The following FUBP1 variants were observed in gnomAD, a reference collection of about 807,000 sequenced individuals.
FUBP1 encodes far upstream element-binding protein 1.
Under a neutral mutation model 94.9 loss-of-function variants are expected in FUBP1, and 16 were observed. The ratio of observed to expected loss-of-function variants is 0.17; its 90% CI spans 0.11 to 0.26. The LOEUF (loss-of-function observed/expected upper bound fraction) is 0.26, where lower values mean the gene tolerates loss of function less well. FUBP1 is among the 10% of genes least tolerant of loss of function. FUBP1 has a pLI of 1.00. For missense variants in FUBP1, 583 were observed against 808.6 expected (o/e 0.72, Z 3.38); for synonymous variants, 279 against 254.9 (o/e 1.09, Z -0.90).
intron 14 of FUBP1, among the ~76,000 whole-genome samples, chr1:77,960,964 C>T (rs1274831273): frequency 6.6e-6 from 1 of 152,132 alleles, no homozygotes; most frequent in Non-Finnish European, 1.5e-5. Context: ...TCACTGATAA[C>T]GTTAATAGCT....
intron 1 of FUBP1, among the ~76,000 whole-genome samples, chr1:77,977,332 T>G (rs1658823289): frequency 6.6e-6 from 1 of 152,046 alleles, no homozygotes; most frequent in Non-Finnish European, 1.5e-5. Context: ...GGTGAAACCC[T>G]GTCTCTACTG....
At chr1:77,952,729 G>A (rs902140445) in intron 18 of FUBP1, among the ~76,000 whole-genome samples, 3 of 152,208 alleles carry the variant, frequency 2.0e-5, no homozygotes, top group African/African-American at 7.2e-5. Flanking sequence ...AAGCAGTTAA[G>A]CAACTAATCA....
intron 18 of FUBP1, among the ~76,000 whole-genome samples, chr1:77,954,164 A>G (rs1193710326): frequency 6.6e-6 from 1 of 152,200 alleles, no homozygotes; most frequent in East Asian, 1.9e-4. Context: ...CTATTTAATT[A>G]AAGTTAAGTT....
intron 16 of FUBP1, 75 bp from the exon 17 acceptor site, chr1:77,956,775 C>G (rs1482975697): frequency 6.6e-6 from 7 of 1,059,894 alleles, no homozygotes; most frequent in Admixed American, 2.3e-5. Flanking sequence ...ACCACCCCCC[C>G]GCCCAGCTCT....
chr1:77,965,805 T>C (rs1441427179), intron 7 of FUBP1, among the ~76,000 whole-genome samples: 2 of 152,182 alleles, frequency 1.3e-5, no homozygotes, highest in African/African-American at 4.8e-5. Context: ...TCCCAGGACT[T>C]TGGGAGGCCG....
chr1:77,954,076 T>G (rs1235082049), intron 18 of FUBP1, among the ~76,000 whole-genome samples: 1 of 152,166 alleles, frequency 6.6e-6, no homozygotes, highest in East Asian at 1.9e-4. Flanking sequence ...TCCTTCCACC[T>G]TAGCCTCCCA....
At chr1:77,972,004 CAAA>C (rs60606700) in intron 1 of FUBP1, among the ~76,000 whole-genome samples, 9 of 84,134 alleles carry the variant, frequency 1.1e-4, no homozygotes, top group Non-Finnish European at 8.1e-5. Context: ...GACTCTGTCT[CAAA>C]AAAAAAAAAA....
At chr1:77,978,785 A>C in intron 1 of FUBP1, 100 bp downstream of exon 1, 2 of 1,372,630 alleles carry the variant, frequency 1.5e-6, no homozygotes, top group Non-Finnish European at 2.1e-6. Context: ...CCGGAAGAAC[A>C]CCTCTTTCCT....
upstream of FUBP1, chr1:77,979,314 C>T (rs1659386931): frequency 5.7e-6 from 2 of 349,712 alleles, no homozygotes; most frequent in South Asian, 5.1e-5. Context: ...GTAATTGTTC[C>T]TGCAGGGTGG....
In FUBP1 at chr1:77,967,638, A is replaced by C; in HGVS notation, c.279T>G (p.His93Gln). The change falls in exon 4 of 20, where the codon CAT becomes CAG. Residue 93 changes from histidine (H) to glutamine (Q), a missense_variant. Coordinates refer to ENST00000370768, the MANE Select transcript of FUBP1 (RefSeq NM_003902.5). ...TCTTGTGACTATACCTTTGCTGCTG[A>C]TGCATCGGTGGTAACTGTGTTCCAA... ...DSFGTQLPPMHQQQSRSVMTE... is the reference protein window; with the variant it reads ...DSFGTQLPPMQQQQSRSVMTE... 6.3e-7 allele frequency: 1 copy of C among 1,594,418 alleles called. No homozygotes were observed. The highest frequency in any genetic ancestry group is 1.3e-5 in the African/African-American group (1 of 74,762).
intron 7 of FUBP1, among the ~76,000 whole-genome samples, chr1:77,966,265 C>T (rs76557832): frequency 0.012 from 1,797 of 152,072 alleles, 33 homozygotes; most frequent in African/African-American, 0.042. Flanking sequence ...AGTGGGAGAG[C>T]GTGGGGTTAG....
chr1:77,955,717 T>C (rs955526476), intron 17 of FUBP1, among the ~76,000 whole-genome samples: 2 of 152,170 alleles, frequency 1.3e-5, no homozygotes, highest in African/African-American at 4.8e-5. Flanking sequence ...TATACATATA[T>C]CGATGTTTAT....
At chr1:77,966,395 G>A (rs897303438) in intron 7 of FUBP1, among the ~76,000 whole-genome samples, 2 of 152,200 alleles carry the variant, frequency 1.3e-5, no homozygotes, top group African/African-American at 4.8e-5. Context: ...TAATGTCTGA[G>A]TTTTAAGTGT....
chr1:77,969,386 AAATCCACTGTTTT>A (rs1408511298), intron 2 of FUBP1, among the ~76,000 whole-genome samples: 1 of 152,152 alleles, frequency 6.6e-6, no homozygotes, highest in African/African-American at 2.4e-5. Flanking sequence ...ATAGCACTGT[AAATCCACTGTTTT>A]AATCCACAGG....
chr1:77,944,318 GAA>G lies in FUBP1; in HGVS notation c.*4446_*4447del. ...ACGAAAATGCATCGAGCATGCATAA[GAA>G]AATATATATATATATATGCGCAAAT... On this transcript the variant is annotated 3_prime_UTR_variant, in exon 20 of 20. Transcript: ENST00000370768. 1 of 195,262 alleles carries G rather than the reference GAA, an allele frequency of 5.1e-6. No homozygotes were observed. Among genetic ancestry groups the G allele is most frequent in the Admixed American group, 6.1e-5 (1 of 16,340 alleles). 12.1% of individuals were successfully genotyped at this position (195,262 alleles called of 1,614,324 possible).
At chr1:77,966,024 G>A (rs1430152451) in intron 7 of FUBP1, among the ~76,000 whole-genome samples, 1 of 152,156 alleles carries the variant, frequency 6.6e-6, no homozygotes, top group African/African-American at 2.4e-5. Flanking sequence ...TCAAAAAAAA[G>A]AAAAGAAAAA....
chr1:77,979,036 CAG>C lies in FUBP1; in HGVS notation c.-34_-33del. ...ACTATAAGAGCCGCTGCCGCCTGTT[CAG>C]AGACTTCCTCTCAGCTAACAGCTAA... On this transcript the variant is annotated 5_prime_UTR_variant, in exon 1 of 20. Transcript: ENST00000370768. The C allele has an allele frequency of 1.3e-6, 2 of 1,578,432 alleles. No homozygotes were observed. Among genetic ancestry groups the C allele is most frequent in the Non-Finnish European group, 1.7e-6 (2 of 1,156,916 alleles).
At chr1:77,964,773 T>A in intron 9 of FUBP1, 26 bp from the exon 10 acceptor site, 1 of 1,547,692 alleles carries the variant, frequency 6.5e-7, no homozygotes, top group South Asian at 1.1e-5. Flanking sequence ...TTAGCTAATT[T>A]AGAAAGCATG....
chr1:77,979,079 G>GCGGCC, upstream of FUBP1: 1 of 1,368,328 alleles, frequency 7.3e-7, no homozygotes, highest in Non-Finnish European at 9.9e-7. Context: ...AAAGAAAATG[G>GCGGCC]CGGCCGTCGA....
Sources: allele counts gnomAD v4.1 joint callset (sites outside exome capture counted in the v4.1 genomes callset), GRCh38; gene constraint gnomAD v4.1.1; transcripts MANE v1.5; gene names NCBI Gene and HGNC (gene_info 2026-07-23, HGNC 2026-07-21).